Variants in STAB2 observed in about 807,000 individuals in gnomAD.
STAB2 encodes stabilin-2.
In STAB2, 288 loss-of-function variants were observed where a neutral mutation model predicts 338.1. The observed-to-expected ratio is 0.85, with a 90% confidence interval of 0.77 to 0.94. The LOEUF (loss-of-function observed/expected upper bound fraction) is 0.94. STAB2 is among the 40% of genes least tolerant of loss of function. STAB2 has a pLI of 0.00. For synonymous variants in STAB2, 1,202 were observed against 1,193.3 expected (o/e 1.01, Z -0.15); for missense variants, 3,141 against 3,210.1 (o/e 0.98, Z 0.52).
chr12:103,588,239 C>G (rs767179226), intron 1 of STAB2, among the ~76,000 whole-genome samples: 1 of 152,220 alleles, frequency 6.6e-6, no homozygotes, highest in East Asian at 1.9e-4. Flanking sequence ...AATTTTATTA[C>G]AGTTGGCTGC....
In STAB2 at chr12:103,685,652, G is replaced by GT. The variant is rs958281443; in HGVS notation, c.2997+569dup. Among the ~76,000 whole-genome samples, 8 of 152,266 alleles carry GT rather than the reference G, an allele frequency of 5.3e-5. No homozygotes were observed. In the East Asian group the frequency reaches 1.4e-3, roughly 26 times the overall value. The stretch of plus-strand genomic sequence containing the variant: ...TTGCCCAACACCCTTCAGCTCCAGA[G>GT]TGAGGAATCCAGCTGATAGCTCTGA... On this transcript the variant is annotated intron_variant, in intron 27 of 68. Coordinates refer to ENST00000388887, the MANE Select transcript of STAB2 (RefSeq NM_017564.10).
Position 103,711,513 on chromosome 12 carries a change from C to G in STAB2, c.4331C>G (p.Ala1444Gly). 1 of 1,614,086 alleles carries G rather than the reference C, an allele frequency of 6.2e-7. No individual in the cohort carries two copies. The highest frequency in any genetic ancestry group is 8.5e-7 in the Non-Finnish European group (1 of 1,180,002). The change falls in exon 40 of 69, where the codon GCC becomes GGC. Residue 1444 changes from alanine to glycine, a missense_variant. Transcript: ENST00000388887. ...TGCAATGGGACATGCCATACCAGCG[C>G]CAAGTAGGTAGCCCTGGGCCACCTC... ...DNCNGTCHTS[A>G]NCLTNSDGTA...
At chr12:103,668,758 T>A in intron 20 of STAB2, 29 bp downstream of exon 20, 1 of 1,512,400 alleles carries the variant, frequency 6.6e-7, no homozygotes, top group Non-Finnish European at 8.9e-7. Context: ...AGGCCCAGTC[T>A]AGGCCAGTAG....
At chr12:103,732,046 C>A (rs1257701051) in intron 50 of STAB2, among the ~76,000 whole-genome samples, 2 of 152,174 alleles carry the variant, frequency 1.3e-5, no homozygotes, top group African/African-American at 2.4e-5. Flanking sequence ...CAGTGGCTCA[C>A]ACCTGTAATT....
Position 103,703,200 on chromosome 12 carries a change from G to A in STAB2, c.3767G>A (p.Gly1256Glu). ...TACACCAATGTAGCCACTGATAAGGGAGTGATCCATGGCTTGGGAAAAGTT... is the reference window on the plus strand; with the variant it reads ...TACACCAATGTAGCCACTGATAAGGAAGTGATCCATGGCTTGGGAAAAGTT... ...INYTNVATDK[G>E]VIHGLGKVLE... Residue 1256 changes from glycine to glutamate, a missense_variant, in exon 35 of 69, where the codon GGA (glycine) becomes GAA (glutamate). Gly to Glu is a moderately conservative substitution (Grantham distance 98). Coordinates refer to ENST00000388887, the MANE Select transcript of STAB2 (RefSeq NM_017564.10). 6.2e-7 allele frequency: 1 copy of A among 1,614,054 alleles called. No individual in the cohort carries two copies. Among genetic ancestry groups the A allele is most frequent in the Non-Finnish European group, 8.5e-7 (1 of 1,180,016 alleles).
intron 3 of STAB2, among the ~76,000 whole-genome samples, chr12:103,609,274 G>T (rs1957082859): frequency 6.6e-6 from 1 of 152,120 alleles, no homozygotes; most frequent in Non-Finnish European, 1.5e-5. Context: ...AAATTACCTT[G>T]GGCAGTATAT....
At chr12:103,733,325 T>C (rs1881792481) in intron 51 of STAB2, 143 bp downstream of exon 51, 5 of 981,796 alleles carry the variant, frequency 5.1e-6, no homozygotes, top group Non-Finnish European at 6.2e-6. Context: ...CCTGCCCCAC[T>C]GTGTCCTCCT....
In STAB2 at chr12:103,690,413, T is replaced by G. The variant is rs1877827053; in HGVS notation, c.3183-11T>G. 1.2e-6 allele frequency: 2 copies of G among 1,602,932 alleles called. No individual in the cohort carries two copies. Among genetic ancestry groups the G allele is most frequent in the Non-Finnish European group, 1.7e-6 (2 of 1,170,946 alleles). ...ATATTGAATTATAGCCTTTGTGGAC[T>G]ATTGTTTCAGGTACCATATGCTACT... On this transcript the variant is annotated splice_polypyrimidine_tract_variant and intron_variant, in intron 29 of 68. Transcript: ENST00000388887.
At chr12:103,674,623 A>G (rs1318414546) in intron 23 of STAB2, among the ~76,000 whole-genome samples, 1 of 152,182 alleles carries the variant, frequency 6.6e-6, no homozygotes, top group Non-Finnish European at 1.5e-5. Context: ...GTAGGTTGCC[A>G]TTTGTTTCCT....
intron 43 of STAB2, among the ~76,000 whole-genome samples, chr12:103,716,095 G>T (rs1880291367): frequency 3.9e-5 from 6 of 152,138 alleles, no homozygotes; most frequent in Admixed American, 3.9e-4. Flanking sequence ...CTAGGACAAG[G>T]GGCTTCCCTA....
In STAB2 at chr12:103,652,577, A is replaced by G. The variant is rs190465521; in HGVS notation, c.1279A>G (p.Asn427Asp). 1.5e-3 allele frequency: 2,397 copies of G among 1,595,832 alleles called. 52 individuals carry two copies. The Admixed American group carries it at 0.036, about 24-fold the overall frequency. The change falls in exon 12 of 69, where the codon AAT becomes GAT. Residue 427 changes from asparagine (N) to aspartate (D), a missense_variant. By Grantham distance (23) the Asn-to-Asp change is conservative. Transcript: ENST00000388887. The part of the protein sequence containing the change: ...GFNVNELLVD[N>D]KAAQYFVKLH... ...TTAGGTAAATGAGCTTTTGGTGGATAATAAAGCTGCTCAATACTTTGTGAA... is the reference window on the plus strand; with the variant it reads ...TTAGGTAAATGAGCTTTTGGTGGATGATAAAGCTGCTCAATACTTTGTGAA...
chr12:103,594,176 C>T (rs1956840860), intron 2 of STAB2, among the ~76,000 whole-genome samples: 2 of 152,144 alleles, frequency 1.3e-5, no homozygotes, highest in Admixed American at 1.3e-4. Context: ...GATATTTCCC[C>T]CGTATGTTCA....
Position 103,652,665 on chromosome 12 carries a change from C to A in STAB2, c.1367C>A (p.Thr456Asn), listed in dbSNP as rs755073650. The change falls in exon 12 of 69, where the codon ACC becomes AAC. Residue 456 changes from threonine (T) to asparagine (N), a missense_variant. By Grantham distance (65) the Thr-to-Asn change is moderately conservative. Coordinates refer to ENST00000388887, the MANE Select transcript of STAB2 (RefSeq NM_017564.10). ...ATGAATAACACAGACATGTTCTACA[C>A]CTTGACTGGAAAGTCGGGGGAAATC... ...EYMNNTDMFY[T>N]LTGKSGEIFN... 2 of 1,603,372 alleles carry A rather than the reference C, an allele frequency of 1.2e-6. No homozygotes were observed. The highest frequency in any genetic ancestry group is 1.7e-6 in the Non-Finnish European group (2 of 1,175,824).
At chr12:103,638,703 A>G (rs182800813) in intron 8 of STAB2, among the ~76,000 whole-genome samples, 98 of 152,304 alleles carry the variant, frequency 6.4e-4, no homozygotes, top group Admixed American at 1.1e-3. Flanking sequence ...GTCCCTCTAA[A>G]TGACATCAGG....
chr12:103,700,286 A>C (rs1280090035), intron 34 of STAB2, among the ~76,000 whole-genome samples: 1 of 151,664 alleles, frequency 6.6e-6, no homozygotes, highest in Non-Finnish European at 1.5e-5. Flanking sequence ...GAAAAATTAA[A>C]ACAAATTATT....
At chr12:103,683,435 G>A (rs1877113791) in intron 26 of STAB2, 135 bp downstream of exon 26, 4 of 703,540 alleles carry the variant, frequency 5.7e-6, no homozygotes, top group African/African-American at 1.8e-5. Context: ...TAAGCAGAAT[G>A]CGAGTAGTTA....
intron 9 of STAB2, among the ~76,000 whole-genome samples, chr12:103,642,915 A>G (rs546319535): frequency 6.6e-6 from 1 of 152,202 alleles, no homozygotes; most frequent in Non-Finnish European, 1.5e-5. Flanking sequence ...TATCTCCACC[A>G]TACTTGTGAA....
intron 66 of STAB2, 41 bp downstream of exon 66, chr12:103,761,451 C>G (rs760630253): frequency 1.9e-6 from 3 of 1,560,422 alleles, no homozygotes; most frequent in Non-Finnish European, 2.6e-6. Flanking sequence ...AGGAGGAGCC[C>G]CGGTGCCCAC....
intron 56 of STAB2, 120 bp from the exon 57 acceptor site, chr12:103,745,053 T>C (rs766906594): frequency 8.2e-5 from 63 of 764,766 alleles, no homozygotes; most frequent in Non-Finnish European, 8.2e-5. Flanking sequence ...AATGAATGAA[T>C]GACTGTGACA....
Sources: allele counts gnomAD v4.1 joint callset (sites outside exome capture counted in the v4.1 genomes callset), GRCh38; gene constraint gnomAD v4.1.1; transcripts MANE v1.5; gene names NCBI Gene and HGNC (gene_info 2026-07-23, HGNC 2026-07-21).